MLLT10: variants seen among roughly 807,000 people sequenced by gnomAD.
The protein encoded by MLLT10 is protein AF-10.
Under a neutral mutation model 129.1 loss-of-function variants are expected in MLLT10, and 30 were observed. The observed-to-expected ratio is 0.23, with a 90% CI of 0.17 to 0.32. The LOEUF (loss-of-function observed/expected upper bound fraction) is 0.32, where lower values mean the gene tolerates loss of function less well. Among genes scored for constraint, MLLT10 ranks in the 10% least tolerant of loss-of-function variants. The pLI, the probability that MLLT10 is intolerant of heterozygous loss-of-function variation, is 1.00. For synonymous variants in MLLT10, 490 were observed against 446.4 expected, an observed-to-expected ratio of 1.10 and a Z score of -1.23; for missense variants, 1,119 against 1,268.3, an observed-to-expected ratio of 0.88 and a Z score of 1.79.
At chr10:21,590,298 A>G (rs1405063853) in intron 4 of MLLT10, among the ~76,000 whole-genome samples, 1 of 151,682 alleles carries the variant, frequency 6.6e-6, no homozygotes, top group East Asian at 1.9e-4. Context: ...AAATTTAACT[A>G]CTTTGTATAA....
intron 8 of MLLT10, among the ~76,000 whole-genome samples, chr10:21,620,119 G>A (rs1472928790): frequency 6.6e-5 from 10 of 151,728 alleles, no homozygotes; most frequent in Admixed American, 2.6e-4. Context: ...TAGTAGAGAC[G>A]GGGTTTCACC....
In MLLT10 at chr10:21,597,143, A is replaced by G. The variant is rs552001105; in HGVS notation, c.405+1703A>G. ...AAAAGAACTCTTCCTTCCCTAAACC[A>G]TTTGAGAGTAACTTACCAATATAAT... On this transcript the variant is annotated intron_variant, in intron 5 of 22. Coordinates refer to ENST00000307729, the MANE Select transcript of MLLT10 (RefSeq NM_001195626.3). 3.5e-4 allele frequency among the ~76,000 whole-genome samples: 53 copies of G among 152,232 alleles called. No individual in the cohort carries two copies. In the South Asian group the frequency reaches 5.2e-3, roughly 15 times the overall value.
intron 3 of MLLT10, among the ~76,000 whole-genome samples, chr10:21,568,915 A>G (rs2039894406): frequency 6.6e-6 from 1 of 152,344 alleles, no homozygotes; most frequent in East Asian, 1.9e-4. Context: ...ATTAACAGGC[A>G]TGAGCCACTG....
At position 21,653,162 on chromosome 10, in the gene MLLT10, G is replaced by A. The variant is rs546136478; in HGVS notation, c.795+1394G>A. Among the ~76,000 whole-genome samples, 6 of 152,314 alleles carry A rather than the reference G, an allele frequency of 3.9e-5. No individual in the cohort carries two copies. The East Asian group carries it at 1.2e-3, about 29-fold the overall frequency. The stretch of plus-strand genomic sequence containing the variant: ...GTCGTTCTGTAGGCCAGAAGTCTGG[G>A]TGGACTCAGCTGTTTCCTCTAATTA... On this transcript the variant is annotated intron_variant, in intron 9 of 22. Coordinates refer to ENST00000307729, the MANE Select transcript of MLLT10 (RefSeq NM_001195626.3).
At chr10:21,586,967 TTTG>T (rs944697446) in intron 4 of MLLT10, among the ~76,000 whole-genome samples, 6 of 152,064 alleles carry the variant, frequency 3.9e-5, no homozygotes, top group Non-Finnish European at 7.4e-5. Flanking sequence ...GCCACATTTT[TTTG>T]TTGTTGTTGT....
chr10:21,714,533 A>G (rs2056383385), intron 14 of MLLT10, among the ~76,000 whole-genome samples: 1 of 151,948 alleles, frequency 6.6e-6, no homozygotes, highest in Admixed American at 6.6e-5. Flanking sequence ...AGTCTATAGG[A>G]TTTTTTTGTT....
intron 8 of MLLT10, chr10:21,625,531 G>A: frequency 1.2e-6 from 1 of 813,214 alleles, no homozygotes; most frequent in Admixed American, 1.7e-5. Context: ...TCCAGCATCT[G>A]GCTTGTACTG....
At chr10:21,628,225 G>A (rs1564535959) in intron 8 of MLLT10, among the ~76,000 whole-genome samples, 2 of 152,100 alleles carry the variant, frequency 1.3e-5, no homozygotes, top group South Asian at 4.1e-4. Flanking sequence ...AGATAACCAG[G>A]AGTAATCTGT....
intron 5 of MLLT10, among the ~76,000 whole-genome samples, chr10:21,596,818 A>G (rs755292158): frequency 1.7e-4 from 26 of 151,764 alleles, no homozygotes; most frequent in Admixed American, 5.3e-4. Flanking sequence ...TTTGTCTTGT[A>G]TATTTGCTGT....
Position 21,715,627 on chromosome 10 carries a change from G to A in MLLT10, c.1878+1677G>A, listed in dbSNP as rs375172853. On this transcript the variant is annotated intron_variant, in intron 14 of 22. Transcript: ENST00000307729. Reference sequence around the variant, plus strand: ...TAAAAGTCTGTTTAATTACCCTCTGGTTACTTCCCGGCTGAATTAAGTAAA... The same window carrying A: ...TAAAAGTCTGTTTAATTACCCTCTGATTACTTCCCGGCTGAATTAAGTAAA... 5.3e-5 allele frequency among the ~76,000 whole-genome samples: 8 copies of A among 152,188 alleles called. No individual in the cohort carries two copies. In the East Asian group the frequency reaches 1.4e-3, roughly 26 times the overall value.
At position 21,688,520 on chromosome 10, in the gene MLLT10, C is replaced by G. The variant is rs753769441; in HGVS notation, c.1699+6263C>G. The G allele has an allele frequency of 3.7e-6, 6 of 1,612,574 alleles. No homozygotes were observed. In the East Asian group the frequency reaches 1.1e-4, roughly 30 times the overall value. ...AGGTGACAGTTCTACACTAACAAAG[C>G]AAGAACTTAAATTCATAGGTATGTA... is the stretch of plus-strand genomic sequence containing the variant. On this transcript the variant is annotated intron_variant, in intron 13 of 22. Transcript: ENST00000307729.
Position 21,727,864 on chromosome 10 carries a change from C to T in MLLT10, c.1999C>T (p.Leu667Phe). The T allele has an allele frequency of 6.2e-7, 1 of 1,613,764 alleles. No homozygotes were observed. The highest frequency in any genetic ancestry group is 8.5e-7 in the Non-Finnish European group (1 of 1,179,770). The part of the protein sequence containing the change: ...QSENNQTDQD[L>F]GDNSRNLVGR... ...AAATATTTACACTACAGATCAAGAT[C>T]TTGGAGACAATAGCCGCAACCTAGT... Residue 667 changes from leucine (L) to phenylalanine (F), a missense_variant, in exon 16 of 23, where the codon CTT (leucine) becomes TTT (phenylalanine). Coordinates refer to ENST00000307729, the MANE Select transcript of MLLT10 (RefSeq NM_001195626.3).
intron 12 of MLLT10, 92 bp from the exon 13 acceptor site, chr10:21,682,133 T>G (rs2052802516): frequency 1.9e-6 from 2 of 1,048,122 alleles, no homozygotes; most frequent in Non-Finnish European, 2.8e-6. Context: ...CTTACTGAAA[T>G]TTTATTATAC....
In MLLT10 at chr10:21,743,019, A is replaced by AT. The variant is rs1033215058; in HGVS notation, c.*1038dup. 4.3e-6 allele frequency: 1 copy of AT among 230,252 alleles called. No individual in the cohort carries two copies. The highest frequency in any genetic ancestry group is 8.6e-6 in the Non-Finnish European group (1 of 116,270). 14.3% of individuals were successfully genotyped at this position (230,252 alleles called of 1,614,324 possible). On this transcript the variant is annotated 3_prime_UTR_variant, in exon 23 of 23. Transcript: ENST00000307729. ...ATTTGTTTTATTTAAACCACTTCCCATTACTGACCATTAAAAGCTCACCAC... is the reference window on the plus strand; with the variant it reads ...ATTTGTTTTATTTAAACCACTTCCCATTTACTGACCATTAAAAGCTCACCAC...
chr10:21,686,663 T>A (rs749094549), intron 13 of MLLT10, among the ~76,000 whole-genome samples: 23 of 152,134 alleles, frequency 1.5e-4, no homozygotes, highest in Non-Finnish European at 2.4e-4. Context: ...TGCTTTAAAC[T>A]CAATATCTAT....
chr10:21,590,584 C>T (rs571809018), intron 4 of MLLT10, among the ~76,000 whole-genome samples: 1 of 152,268 alleles, frequency 6.6e-6, no homozygotes, highest in South Asian at 2.1e-4. Context: ...GGTGATCCAC[C>T]CGCCTTGGCC....
chr10:21,708,623 T>C (rs991859326), intron 13 of MLLT10: 7 of 985,258 alleles, frequency 7.1e-6, no homozygotes, highest in Non-Finnish European at 8.4e-6. Flanking sequence ...AAAGTGTGAT[T>C]ACTGGATTGC....
intron 13 of MLLT10, among the ~76,000 whole-genome samples, chr10:21,708,368 C>T (rs1313520403): frequency 1.3e-5 from 2 of 152,126 alleles, no homozygotes; most frequent in Admixed American, 6.6e-5. Flanking sequence ...TTAAAAACAG[C>T]ATATGACTTA....
intron 3 of MLLT10, among the ~76,000 whole-genome samples, chr10:21,573,546 T>A (rs1017466898): frequency 1.7e-4 from 26 of 152,190 alleles, no homozygotes; most frequent in African/African-American, 6.3e-4. Context: ...TTTCATTGTT[T>A]TATTTTCAAA....
Sources: gnomAD v4.1 joint callset for allele counts (sites outside exome capture counted in the v4.1 genomes callset) on GRCh38, gnomAD v4.1.1 for gene constraint, MANE v1.5 for transcripts, NCBI Gene and HGNC (gene_info 2026-07-23, HGNC 2026-07-21) for gene names.